The following CEP112 variants were observed in gnomAD, a reference collection of about 807,000 sequenced individuals.
CEP112 encodes the protein centrosomal protein 112.
Under a neutral mutation model 153.0 loss-of-function variants are expected in CEP112, and 127 were observed. That is an observed-to-expected ratio of 0.83 (90% CI 0.72 to 0.96). The LOEUF is 0.96. Ranked by LOEUF, CEP112 falls within the 40% of genes least tolerant of loss-of-function variation. The pLI is 0.00. For missense variants in CEP112, 1,089 were observed against 1,101.2 expected (o/e 0.99, Z 0.16); for synonymous variants, 358 against 374.4 (o/e 0.96, Z 0.51).
chr17:65,837,186 C>T (rs574584328), intron 21 of CEP112, among the ~76,000 whole-genome samples: 195 of 149,414 alleles, frequency 1.3e-3, no homozygotes, highest in Admixed American at 2.6e-3. Flanking sequence ...GCCTTGGCCT[C>T]CCAAAGTGCC....
chr17:65,666,631 G>A (rs1331932110), intron 24 of CEP112, among the ~76,000 whole-genome samples: 2 of 152,184 alleles, frequency 1.3e-5, no homozygotes, highest in Non-Finnish European at 2.9e-5. Flanking sequence ...GTGATTGAAG[G>A]ACAGAGCCAC....
chr17:65,737,886 C>T (rs1421845834), intron 23 of CEP112, among the ~76,000 whole-genome samples: 1 of 152,196 alleles, frequency 6.6e-6, no homozygotes, highest in African/African-American at 2.4e-5. Context: ...CAAATCACTT[C>T]TAAGGAGGTG....
chr17:65,653,661 T>C (rs1432401593), intron 24 of CEP112, among the ~76,000 whole-genome samples: 2 of 152,168 alleles, frequency 1.3e-5, no homozygotes, highest in Non-Finnish European at 2.9e-5. Context: ...AGGGATCAGA[T>C]GTAACATAAA....
chr17:66,034,976 G>GTATA (rs1555777549), intron 12 of CEP112, among the ~76,000 whole-genome samples: 122 of 13,446 alleles, frequency 9.1e-3, no homozygotes, highest in African/African-American at 0.025. Context: ...GTTTTTGCAT[G>GTATA]TATATATATA....
At chr17:66,168,499 ATATG>A (rs994521858) in intron 4 of CEP112, among the ~76,000 whole-genome samples, 1 of 151,358 alleles carries the variant, frequency 6.6e-6, no homozygotes, top group Non-Finnish European at 1.5e-5. Context: ...GTGTGTATAT[ATATG>A]TATATATGTG....
chr17:65,660,217 C>CCTTCTTTCCT (rs2046278562), intron 24 of CEP112, among the ~76,000 whole-genome samples: 2 of 37,002 alleles, frequency 5.4e-5, no homozygotes, highest in South Asian at 7.9e-4. Flanking sequence ...CTTTCCTTCC[C>CCTTCTTTCCT]TCCCTCCCTC....
intron 1 of CEP112, among the ~76,000 whole-genome samples, chr17:66,190,574 C>T (rs1359136804): frequency 6.6e-6 from 1 of 152,102 alleles, no homozygotes; most frequent in African/African-American, 2.4e-5. Context: ...GAGTTTGCAC[C>T]ACTGCACTCC....
chr17:65,713,743 C>T (rs945779883), intron 23 of CEP112, among the ~76,000 whole-genome samples: 10 of 152,122 alleles, frequency 6.6e-5, no homozygotes, highest in African/African-American at 2.4e-4. Context: ...CCAGCCACCA[C>T]GCCTGGCTAA....
intron 20 of CEP112, among the ~76,000 whole-genome samples, chr17:65,883,247 C>T (rs2059149510): frequency 6.7e-6 from 1 of 149,770 alleles, no homozygotes; most frequent in Admixed American, 6.7e-5. Flanking sequence ...TATTGCAGCT[C>T]ATGCTAAGAA....
chr17:66,065,652 C>T (rs1031915349), intron 10 of CEP112, among the ~76,000 whole-genome samples: 9 of 143,780 alleles, frequency 6.3e-5, no homozygotes, highest in South Asian at 2.1e-4. Flanking sequence ...TTTTCTGAGA[C>T]GGAGTCTTGC....
rs9908976 is a variant in CEP112 at position 65,868,025 on chromosome 17, T to G, written c.2164-15991A>C. 2.8e-3 allele frequency among the ~76,000 whole-genome samples: 426 copies of G among 151,778 alleles called. 1 individual carries two copies. The highest frequency in any genetic ancestry group is 9.9e-3 in the African/African-American group (409 of 41,508). ...TCGAAGTATATATTTATTATGAGTT[T>G]ATATTATATGTATTAATAAATTTTT... On this transcript the variant is annotated intron_variant, in intron 20 of 26. Coordinates refer to ENST00000535342, the MANE Select transcript of CEP112 (RefSeq NM_001199165.4).
At chr17:66,050,161 T>G (rs1486833379) in intron 12 of CEP112, among the ~76,000 whole-genome samples, 2 of 152,318 alleles carry the variant, frequency 1.3e-5, no homozygotes, top group Middle Eastern at 3.4e-3. Context: ...TGGGGTCACA[T>G]TTTTTTCTAA....
chr17:66,103,990 C>G (rs1427206151), intron 6 of CEP112, among the ~76,000 whole-genome samples: 1 of 152,142 alleles, frequency 6.6e-6, no homozygotes, highest in Non-Finnish European at 1.5e-5. Flanking sequence ...TTAGTTCTAG[C>G]GAACTCCACC....
intron 18 of CEP112, among the ~76,000 whole-genome samples, chr17:65,939,765 TA>T (rs1264809966): frequency 1.3e-5 from 2 of 152,106 alleles, no homozygotes; most frequent in African/African-American, 4.8e-5. Flanking sequence ...GACTTAAATA[TA>T]AAAGTTGAAG....
At chr17:66,071,281 G>A (rs371019195) in intron 8 of CEP112, among the ~76,000 whole-genome samples, 1 of 151,542 alleles carries the variant, frequency 6.6e-6, no homozygotes, top group Non-Finnish European at 1.5e-5. Flanking sequence ...CATTTGCTAT[G>A]CAAAAAAAAA....
chr17:65,859,965 A>T (rs934816992), intron 20 of CEP112, among the ~76,000 whole-genome samples: 2 of 150,494 alleles, frequency 1.3e-5, no homozygotes, highest in Non-Finnish European at 3.0e-5. Flanking sequence ...CAGTGAGCCA[A>T]GATTGCGCCA....
At chr17:65,724,380 A>C (rs1005580184) in intron 23 of CEP112, among the ~76,000 whole-genome samples, 3 of 152,232 alleles carry the variant, frequency 2.0e-5, no homozygotes, top group Non-Finnish European at 4.4e-5. Flanking sequence ...TTACCATGCG[A>C]TATTATAGAT....
At chr17:65,969,715 TCA>T (rs1365669710) in intron 17 of CEP112, among the ~76,000 whole-genome samples, 2 of 152,200 alleles carry the variant, frequency 1.3e-5, no homozygotes, top group Non-Finnish European at 2.9e-5. Context: ...TACAGGAATA[TCA>T]CATAAATGTG....
intron 16 of CEP112, among the ~76,000 whole-genome samples, chr17:66,012,922 C>CTT (rs551166411): frequency 2.0e-5 from 3 of 149,962 alleles, no homozygotes; most frequent in African/African-American, 7.4e-5. Context: ...TTTCATTTTA[C>CTT]TTTTTTTTTT....
Sources: allele counts gnomAD v4.1 joint callset (sites outside exome capture counted in the v4.1 genomes callset), GRCh38; gene constraint gnomAD v4.1.1; transcripts MANE v1.5; gene names NCBI Gene and HGNC (gene_info 2026-07-23, HGNC 2026-07-21).